The following SORCS2 variants were observed in gnomAD, a reference collection of about 807,000 sequenced individuals.
SORCS2 encodes sortilin related VPS10 domain containing receptor 2, also known as VPS10 domain-containing receptor SorCS2.
In SORCS2, 100 loss-of-function variants were observed where a neutral mutation model predicts 141.6. The observed-to-expected ratio is 0.71, with a 90% CI of 0.60 to 0.83. SORCS2 has a LOEUF of 0.83. Among genes scored for constraint, SORCS2 ranks in the 40% least tolerant of loss-of-function variants. SORCS2 has a pLI of 0.00. For synonymous variants in SORCS2, 789 were observed against 676.9 expected, an observed-to-expected ratio of 1.17 and a Z score of -2.57; for missense variants, 1,646 against 1,560.2, an observed-to-expected ratio of 1.05 and a Z score of -0.93.
At chr4:7,690,464 G>T (rs1038735064) in intron 11 of SORCS2, among the ~76,000 whole-genome samples, 2 of 151,648 alleles carry the variant, frequency 1.3e-5, no homozygotes, top group Non-Finnish European at 2.9e-5. Context: ...GTGGATGAAT[G>T]GATGAGTGGG....
At chr4:7,265,373 C>T (rs567700160) in intron 1 of SORCS2, among the ~76,000 whole-genome samples, 2 of 152,294 alleles carry the variant, frequency 1.3e-5, no homozygotes, top group East Asian at 3.9e-4. Flanking sequence ...TGCCTGTGGT[C>T]CCAGCTACTC....
chr4:7,328,261 C>G (rs1407914481), intron 1 of SORCS2, among the ~76,000 whole-genome samples: 3 of 150,612 alleles, frequency 2.0e-5, no homozygotes, highest in Admixed American at 2.0e-4. Flanking sequence ...GTCTTGAACT[C>G]CTGGCTTCAA....
rs115522420 is a variant in SORCS2, at chr4:7,419,142, G to C, written c.548+22787G>C. Among the ~76,000 whole-genome samples the C allele has an allele frequency of 5.7e-3, 865 of 152,348 alleles. 9 individuals carry two copies. Among genetic ancestry groups the C allele is most frequent in the African/African-American group, 0.02 (823 of 41,574 alleles). ...TTAAAGGAAGGACCTTTGCAAATGG[G>C]TGTGGATACAGGGAGGGGATGAATT... On this transcript the variant is annotated intron_variant, in intron 2 of 26. Coordinates refer to ENST00000507866, the MANE Select transcript of SORCS2 (RefSeq NM_020777.3).
At chr4:7,712,056 G>A (rs1435097000) in intron 14 of SORCS2, among the ~76,000 whole-genome samples, 1 of 152,134 alleles carries the variant, frequency 6.6e-6, no homozygotes, top group Non-Finnish European at 1.5e-5. Flanking sequence ...TCTTAGGAAG[G>A]TAACACAGGC....
At chr4:7,637,172 T>C (rs1250128944) in intron 3 of SORCS2, among the ~76,000 whole-genome samples, 2 of 152,220 alleles carry the variant, frequency 1.3e-5, no homozygotes, top group Non-Finnish European at 2.9e-5. Context: ...TCGCGAGTAC[T>C]GGGGATAGGG....
intron 9 of SORCS2, among the ~76,000 whole-genome samples, chr4:7,677,616 C>T (rs1426134992): frequency 6.6e-6 from 1 of 152,176 alleles, no homozygotes. Context: ...GGCCAGTAGA[C>T]CCTGGGCAGG....
At chr4:7,390,808 C>T (rs555896983) in intron 1 of SORCS2, among the ~76,000 whole-genome samples, 1 of 152,232 alleles carries the variant, frequency 6.6e-6, no homozygotes, top group Admixed American at 6.5e-5. Context: ...TTTAGAAACT[C>T]CCAGGGCATG....
chr4:7,221,870 G>A (rs547656847), intron 1 of SORCS2, among the ~76,000 whole-genome samples: 1 of 152,320 alleles, frequency 6.6e-6, no homozygotes, highest in South Asian at 2.1e-4. Flanking sequence ...CCTGTGGTAG[G>A]AGGCACTGGT....
chr4:7,543,817 CATCTACCCATCT>C (rs1272277824), intron 3 of SORCS2, among the ~76,000 whole-genome samples: 3 of 21,638 alleles, frequency 1.4e-4, no homozygotes, highest in Non-Finnish European at 6.3e-4. Flanking sequence ...TCCATCCATC[CATCTACCCATCT>C]GTCCATCCAT....
At chr4:7,382,453 G>A (rs569191439) in intron 1 of SORCS2, among the ~76,000 whole-genome samples, 1 of 152,244 alleles carries the variant, frequency 6.6e-6, no homozygotes, top group South Asian at 2.1e-4. Context: ...CCCCAGGGCT[G>A]CACCAGATCC....
intron 2 of SORCS2, among the ~76,000 whole-genome samples, chr4:7,469,820 A>C (rs185198556): frequency 1.7e-4 from 26 of 152,352 alleles, no homozygotes; most frequent in African/African-American, 6.0e-4. Context: ...GCTGTTTAAA[A>C]ACAATCACTG....
intron 2 of SORCS2, among the ~76,000 whole-genome samples, chr4:7,523,833 C>T (rs577404612): frequency 7.9e-5 from 12 of 152,144 alleles, no homozygotes; most frequent in East Asian, 1.9e-4. Flanking sequence ...CCGTGTTCCT[C>T]GAAGCCGTAC....
In SORCS2 at chr4:7,219,569, C is replaced by T. The variant is rs59152753; in HGVS notation, c.480+26443C>T. Among the ~76,000 whole-genome samples the T allele has an allele frequency of 6.3e-3, 954 of 152,252 alleles. 8 individuals carry two copies. Among genetic ancestry groups the T allele is most frequent in the Middle Eastern group, 0.024 (7 of 294 alleles). On this transcript the variant is annotated intron_variant, in intron 1 of 26. Transcript: ENST00000507866. Reference sequence around the variant, plus strand: ...GATCATGGTGGAAGGGGAAGCAAGGCGACTTCTTCACAAGGCGGCAGGAAG... The same window carrying T: ...GATCATGGTGGAAGGGGAAGCAAGGTGACTTCTTCACAAGGCGGCAGGAAG...
intron 1 of SORCS2, among the ~76,000 whole-genome samples, chr4:7,228,249 C>T (rs868063362): frequency 6.6e-6 from 1 of 151,988 alleles, no homozygotes; most frequent in Non-Finnish European, 1.5e-5. Context: ...ATACCAGTCA[C>T]GTTGGGTCAG....
intron 1 of SORCS2, among the ~76,000 whole-genome samples, chr4:7,375,240 C>G (rs1722561368): frequency 6.6e-6 from 1 of 152,174 alleles, no homozygotes; most frequent in South Asian, 2.1e-4. Context: ...TTTCCTAGTC[C>G]CTTGAGTCAG....
rs549030893 is a variant in SORCS2, at chr4:7,467,102, C to T, written c.549-64428C>T. ...CAGCATCTAAAACTCCCACCACGGTCCAGCCTGGCGTCCCCCCAGGCGTTT... is the reference window on the plus strand; with the variant it reads ...CAGCATCTAAAACTCCCACCACGGTTCAGCCTGGCGTCCCCCCAGGCGTTT... On this transcript the variant is annotated intron_variant, in intron 2 of 26. Transcript: ENST00000507866. Among the ~76,000 whole-genome samples, 3 of 152,258 alleles carry T rather than the reference C, an allele frequency of 2.0e-5. No individual in the cohort carries two copies. In the South Asian group the frequency reaches 6.2e-4, roughly 32 times the overall value.
chr4:7,543,931 CCCATCCACCCAT>C (rs1560373794), intron 3 of SORCS2, among the ~76,000 whole-genome samples: 5 of 41,974 alleles, frequency 1.2e-4, no homozygotes, highest in Non-Finnish European at 1.9e-4. Context: ...CACCCATCCA[CCCATCCACCCAT>C]CCATCCATCC....
intron 1 of SORCS2, among the ~76,000 whole-genome samples, chr4:7,196,704 G>A (rs1727190007): frequency 6.6e-6 from 1 of 150,990 alleles, no homozygotes; most frequent in Non-Finnish European, 1.5e-5. Context: ...ATGGTTAGTG[G>A]TATCCAAGGC....
chr4:7,206,196 C>A (rs1300588096), intron 1 of SORCS2, among the ~76,000 whole-genome samples: 1 of 152,202 alleles, frequency 6.6e-6, no homozygotes, highest in Non-Finnish European at 1.5e-5. Flanking sequence ...GCCCCAGTGT[C>A]CGCGTCTTCC....
Sources: gnomAD v4.1 joint callset for allele counts (sites outside exome capture counted in the v4.1 genomes callset) on GRCh38, gnomAD v4.1.1 for gene constraint, MANE v1.5 for transcripts, NCBI Gene and HGNC (gene_info 2026-07-23, HGNC 2026-07-21) for gene names.